PIEZO2: variants seen among roughly 807,000 people sequenced by gnomAD.
PIEZO2 encodes the protein piezo-type mechanosensitive ion channel component 2.
In PIEZO2, 172 loss-of-function variants were observed where a neutral mutation model predicts 337.3. The ratio of observed to expected loss-of-function variants is 0.51; its 90% CI spans 0.45 to 0.58. PIEZO2 has a LOEUF of 0.58. Ranked by LOEUF, PIEZO2 falls within the 20% of genes least tolerant of loss-of-function variation. The pLI, the probability that PIEZO2 is intolerant of heterozygous loss-of-function variation, is 0.00. For missense variants in PIEZO2, 3,028 were observed against 3,391.3 expected (o/e 0.89, Z 2.66); for synonymous variants, 1,251 against 1,228.5 (o/e 1.02, Z -0.38).
intron 49 of PIEZO2, among the ~76,000 whole-genome samples, chr18:10,684,791 C>T (rs2034473802): frequency 6.6e-6 from 1 of 152,196 alleles, no homozygotes; most frequent in African/African-American, 2.4e-5. Flanking sequence ...AAGGCATTGT[C>T]CCCTTCCTGT....
chr18:10,756,722 GA>G (rs1479050229), intron 27 of PIEZO2, among the ~76,000 whole-genome samples: 58 of 150,380 alleles, frequency 3.9e-4, no homozygotes, highest in African/African-American at 1.4e-3. Flanking sequence ...GAGGGATGGG[GA>G]TAAAGATGAG....
intron 24 of PIEZO2, 61 bp downstream of exon 24, chr18:10,760,850 G>A: frequency 2.2e-6 from 3 of 1,391,714 alleles, no homozygotes; most frequent in South Asian, 2.6e-5. Flanking sequence ...CAATTGGCCA[G>A]AAGCAGTTCT....
rs75188855 is a variant in PIEZO2, at chr18:10,878,913, C to T, written c.330-7498G>A. ...GCTGGTAGTGCAGGTGGTGTTTTCACAATGAGTGTCAGGTGTGGTTAGGAC... is the reference window on the plus strand; with the variant it reads ...GCTGGTAGTGCAGGTGGTGTTTTCATAATGAGTGTCAGGTGTGGTTAGGAC... On this transcript the variant is annotated intron_variant, in intron 4 of 55. Coordinates refer to ENST00000674853, the MANE Select transcript of PIEZO2 (RefSeq NM_001378183.1). This position sits in a 1 kb window ranked among gnomAD's most constrained non-coding sequence, Gnocchi z 4.3. Among the ~76,000 whole-genome samples, 1 of 152,278 alleles carries T rather than the reference C, an allele frequency of 6.6e-6. No individual in the cohort carries two copies. Among genetic ancestry groups the T allele is most frequent in the African/African-American group, 2.4e-5 (1 of 41,540 alleles).
chr18:10,723,791 CAG>C, intron 36 of PIEZO2, among the ~76,000 whole-genome samples: 1 of 152,228 alleles, frequency 6.6e-6, no homozygotes, highest in African/African-American at 2.4e-5. Flanking sequence ...GGGGACAAGG[CAG>C]AGATTGGCTT....
chr18:10,908,922 T>A (rs568264735), intron 4 of PIEZO2: 2 of 152,368 alleles, frequency 1.3e-5, no homozygotes, highest in South Asian at 4.1e-4. Context: ...GAGTTTTTTT[T>A]ACCTGCCAGG....
At chr18:10,835,626 C>T (rs369787082) in intron 7 of PIEZO2, among the ~76,000 whole-genome samples, 3 of 151,936 alleles carry the variant, frequency 2.0e-5, no homozygotes, top group East Asian at 3.9e-4. Context: ...TCACTGCTGC[C>T]TCTGTCTCCT....
chr18:10,948,898 T>C (rs2033155489), intron 3 of PIEZO2, among the ~76,000 whole-genome samples: 1 of 152,222 alleles, frequency 6.6e-6, no homozygotes, highest in African/African-American at 2.4e-5. Context: ...TTCACTTTCA[T>C]AACAATATAT....
intron 2 of PIEZO2, among the ~76,000 whole-genome samples, chr18:11,018,518 C>T (rs1166962221): frequency 6.6e-6 from 1 of 151,312 alleles, no homozygotes; most frequent in East Asian, 2.0e-4. Flanking sequence ...CAGAGTTTGA[C>T]GTAATTGTGG....
At chr18:10,881,293 G>C (rs1198414436) in intron 4 of PIEZO2, among the ~76,000 whole-genome samples, 1 of 152,222 alleles carries the variant, frequency 6.6e-6, no homozygotes, top group African/African-American at 2.4e-5. Flanking sequence ...GTGCCACACG[G>C]ATTGAGTATT....
chr18:10,889,051 A>C (rs1410602792), intron 4 of PIEZO2, among the ~76,000 whole-genome samples: 6 of 152,216 alleles, frequency 3.9e-5, no homozygotes, highest in African/African-American at 1.4e-4. Context: ...AAAGGCAAGG[A>C]ATGATGAAAA....
chr18:11,121,566 T>A (rs944220879), intron 1 of PIEZO2, among the ~76,000 whole-genome samples: 24 of 152,130 alleles, frequency 1.6e-4, no homozygotes, highest in Non-Finnish European at 3.1e-4. Flanking sequence ...ACCCTGTTTT[T>A]AAACAATTTT....
At chr18:10,915,222 T>C (rs1354814945) in intron 3 of PIEZO2, among the ~76,000 whole-genome samples, 1 of 134,110 alleles carries the variant, frequency 7.5e-6, no homozygotes, top group Non-Finnish European at 1.6e-5. Flanking sequence ...ACAGCCTGTG[T>C]GTAAGAGGGA....
intron 2 of PIEZO2, among the ~76,000 whole-genome samples, chr18:11,060,226 C>T (rs1436785879): frequency 5.9e-5 from 9 of 152,202 alleles, no homozygotes; most frequent in Admixed American, 2.0e-4. Context: ...AAAGACACAA[C>T]GTACCAGAAT....
intron 2 of PIEZO2, among the ~76,000 whole-genome samples, chr18:11,062,910 GT>G (rs1305508614): frequency 1.2e-4 from 19 of 152,120 alleles, no homozygotes; most frequent in Admixed American, 5.2e-4. Flanking sequence ...GCATTACTGG[GT>G]ATATACCCAA....
intron 3 of PIEZO2, among the ~76,000 whole-genome samples, chr18:10,974,896 A>G (rs1332221893): frequency 6.6e-6 from 1 of 152,202 alleles, no homozygotes; most frequent in Non-Finnish European, 1.5e-5. Context: ...GAGCCTGACG[A>G]AGGAATCTCC....
chr18:10,998,035 A>G (rs2035391139), intron 2 of PIEZO2, among the ~76,000 whole-genome samples: 1 of 152,178 alleles, frequency 6.6e-6, no homozygotes, highest in Admixed American at 6.5e-5. Context: ...CATTATGTGT[A>G]GGGAGAAAAC....
Position 10,672,548 on chromosome 18 carries a change from A to C in PIEZO2, c.8345+142T>G. ...CTCTGGTGCCTCATTTTTTGAAATA[A>C]AATGCACACAAGGATGTGTGCATTT... On this transcript the variant is annotated intron_variant, in intron 55 of 55. Transcript: ENST00000674853. The surrounding 1 kb of genome is among the most constrained non-coding windows in gnomAD (Gnocchi z 4.7). 1 of 911,500 alleles carries C rather than the reference A, an allele frequency of 1.1e-6. No homozygotes were observed. The highest frequency in any genetic ancestry group is 1.8e-5 in the South Asian group (1 of 55,116). 56.5% of individuals were successfully genotyped at this position (911,500 alleles called of 1,614,324 possible).
rs57885955 is a variant in PIEZO2, at chr18:11,143,600, AACACACACACAC to A, written c.64+4913_64+4924del. 0.056 allele frequency among the ~76,000 whole-genome samples: 6,013 copies of A among 106,536 alleles called. 257 individuals carry two copies. The highest frequency in any genetic ancestry group is 0.14 in the East Asian group (504 of 3,620). The allele number at this position is 106,536 out of a possible 152,430, so 69.9% of individuals were successfully genotyped here. On this transcript the variant is annotated intron_variant, in intron 1 of 55. Transcript: ENST00000674853. This position sits in a 1 kb window ranked among gnomAD's most constrained non-coding sequence, Gnocchi z 4.9. ...AAAATCCTGAGAACTAAAAATCTCT[AACACACACACAC>A]ACACACACACACACACACACACACA...
intron 9 of PIEZO2, among the ~76,000 whole-genome samples, chr18:10,802,398 A>G (rs982848993): frequency 6.6e-6 from 1 of 152,202 alleles, no homozygotes; most frequent in Admixed American, 6.5e-5. Context: ...TAGACCAGGT[A>G]GTCTTAAAAT....
Sources: gnomAD v4.1 joint callset for allele counts (sites outside exome capture counted in the v4.1 genomes callset) on GRCh38, gnomAD v4.1.1 for gene constraint, Gnocchi (gnomAD v3.1) non-coding constraint, MANE v1.5 for transcripts, NCBI Gene and HGNC (gene_info 2026-07-23, HGNC 2026-07-21) for gene names.